The following MRPL27 variants were observed in gnomAD, a reference collection of about 807,000 sequenced individuals.
MRPL27 encodes mitochondrial ribosomal protein L27, also known as large ribosomal subunit protein bL27m.
MRPL27 carries 4 observed loss-of-function variants against 14.6 expected under a neutral mutation model. The ratio of observed to expected loss-of-function variants is 0.27; its 90% confidence interval spans 0.14 to 0.63. The LOEUF (loss-of-function observed/expected upper bound fraction) is 0.63, where lower values mean the gene tolerates loss of function less well. Ranked by LOEUF, MRPL27 falls within the 20% of genes least tolerant of loss-of-function variation. The pLI is 0.85. For missense variants in MRPL27, 196 were observed against 192.8 expected (o/e 1.02, Z -0.10); for synonymous variants, 82 against 75.5 (o/e 1.09, Z -0.45).
chr17:50,368,778 A>ACG, intron 3 of MRPL27: 2 of 691,244 alleles, frequency 2.9e-6, no homozygotes, highest in Non-Finnish European at 5.3e-6. Context: ...CAATCATACT[A>ACG]CTGCATTAGC....
chr17:50,369,862 T>C, intron 3 of MRPL27, 170 bp downstream of exon 3: 1 of 793,244 alleles, frequency 1.3e-6, no homozygotes. Flanking sequence ...CATTTCACCT[T>C]ACTTACAGGG....
At chr17:50,370,659 AT>A in intron 1 of MRPL27, 73 bp from the exon 2 acceptor site, 1 of 1,593,084 alleles carries the variant, frequency 6.3e-7, no homozygotes, top group Non-Finnish European at 8.6e-7. Flanking sequence ...CCACATGCTG[AT>A]ACGTGAGAGG....
Position 50,370,020 on chromosome 17 carries a change from G to A in MRPL27, c.240+12C>T, listed in dbSNP as rs777212431. On this transcript the variant is annotated intron_variant, in intron 3 of 3. Transcript: ENST00000225969. ...GAAAAGGAAAAAGGGGGGCAGCAAC[G>A]GAGCAACTCACATGGGCACCTGGGT... The A allele has an allele frequency of 1.1e-5, 17 of 1,613,848 alleles. No homozygotes were observed. Among genetic ancestry groups the A allele is most frequent in the East Asian group, 6.7e-5 (3 of 44,870 alleles).
rs780170489 is a variant in MRPL27, at chr17:50,370,529, T to C, written c.98A>G (p.Lys33Arg). Residue 33 changes from lysine (K) to arginine (R), a missense_variant, in exon 2 of 4, where the codon AAG (lysine) becomes AGG (arginine). Coordinates refer to ENST00000225969, the MANE Select transcript of MRPL27 (RefSeq NM_016504.3). Reference sequence around the variant, plus strand: ...GTTTTTGGAGCTACCACCCGACTTCTTGGATGCGTATCTGACAGCAAGAGC... The same window carrying C: ...GTTTTTGGAGCTACCACCCGACTTCCTGGATGCGTATCTGACAGCAAGAGC... ...ATALAVRYAS[K>R]KSGGSSKNLG... is the part of the protein sequence containing the mutation. 20 of 1,614,076 alleles carry C rather than the reference T, an allele frequency of 1.2e-5. No homozygotes were observed. In the East Asian group the frequency reaches 3.6e-4, roughly 29 times the overall value.
rs770437381 is a variant in MRPL27 at position 50,370,594 on chromosome 17, G to GA, written c.41-9dup. 1.9e-6 allele frequency: 3 copies of GA among 1,614,042 alleles called. No homozygotes were observed. The East Asian group carries it at 6.7e-5, about 36-fold the overall frequency. On this transcript the variant is annotated splice_polypyrimidine_tract_variant and intron_variant, in intron 1 of 3. Transcript: ENST00000225969. ...GGCTTAGCAAGGATGTAACTGCAGA[G>GA]AAAACAGAAACATTGTTCAGACAGA...
At chr17:50,369,746 C>G in intron 3 of MRPL27, 1 of 470,090 alleles carries the variant, frequency 2.1e-6, no homozygotes, top group South Asian at 2.9e-5. Flanking sequence ...ACCAAGAATA[C>G]CAGGCCAATG....
chr17:50,372,873 A>G, intron 1 of MRPL27: 1 of 570,062 alleles, frequency 1.8e-6, no homozygotes, highest in Non-Finnish European at 3.1e-6. Context: ...GGACCCACCC[A>G]AATCCCCAAC....
chr17:50,370,852 T>C (rs2143277802), intron 1 of MRPL27: 1 of 393,690 alleles, frequency 2.5e-6, no homozygotes, highest in South Asian at 2.4e-5. Flanking sequence ...TCAGTCTAAA[T>C]GTGCTGAGGA....
chr17:50,368,451 C>G (rs995472908), intron 3 of MRPL27, 153 bp from the exon 4 acceptor site: 1 of 720,510 alleles, frequency 1.4e-6, no homozygotes, highest in Non-Finnish European at 2.3e-6. Context: ...CTGGCTAGCA[C>G]GTCCAAACCT....
chr17:50,370,613 A>G (rs749178889), intron 1 of MRPL27, 27 bp from the exon 2 acceptor site: 2 of 1,613,410 alleles, frequency 1.2e-6, no homozygotes, highest in South Asian at 1.1e-5. Context: ...AACATTGTTC[A>G]GACAGACAGG....
At chr17:50,371,389 A>C (rs989102066) in intron 1 of MRPL27, among the ~76,000 whole-genome samples, 49 of 152,156 alleles carry the variant, frequency 3.2e-4, no homozygotes, top group African/African-American at 1.2e-3. Context: ...CTTTCTTCTC[A>C]AAGCACATCA....
At chr17:50,371,822 G>A (rs1362421681) in intron 1 of MRPL27, among the ~76,000 whole-genome samples, 2 of 152,190 alleles carry the variant, frequency 1.3e-5, no homozygotes, top group South Asian at 2.1e-4. Context: ...AAGCTCAGGA[G>A]CTGGGCTTTT....
At chr17:50,371,475 A>C (rs1913136931) in intron 1 of MRPL27, among the ~76,000 whole-genome samples, 1 of 152,238 alleles carries the variant, frequency 6.6e-6, no homozygotes, top group South Asian at 2.1e-4. Context: ...AGTGCTCAAT[A>C]GCATTCATTT....
intron 1 of MRPL27, among the ~76,000 whole-genome samples, chr17:50,372,370 T>A (rs1449885200): frequency 1.3e-5 from 2 of 152,082 alleles, no homozygotes; most frequent in African/African-American, 4.8e-5. Flanking sequence ...CTCAGCCTCC[T>A]GAGTATCTGA....
At chr17:50,368,344 G>A (rs202075092) in intron 3 of MRPL27, 46 bp from the exon 4 acceptor site, 4 of 1,587,998 alleles carry the variant, frequency 2.5e-6, no homozygotes, top group Admixed American at 1.8e-5. Flanking sequence ...TCAGCGAGGT[G>A]GTCCGTCCCA....
chr17:50,368,076 T>C lies in MRPL27; in HGVS notation c.*16A>G, dbSNP rs1419415906. 2.5e-6 allele frequency: 4 copies of C among 1,613,976 alleles called. No homozygotes were observed. The highest frequency in any genetic ancestry group is 1.7e-5 in the Admixed American group (1 of 60,024). On this transcript the variant is annotated 3_prime_UTR_variant, in exon 4 of 4. Coordinates refer to ENST00000225969, the MANE Select transcript of MRPL27 (RefSeq NM_016504.3). Reference sequence around the variant, plus strand: ...CACCTGGGCTCCAGTCTCTGTCCGATGGCCTCAACAGGACATCAAAGCATA... The same window carrying C: ...CACCTGGGCTCCAGTCTCTGTCCGACGGCCTCAACAGGACATCAAAGCATA...
Position 50,368,200 on chromosome 17 carries a change from A to T in MRPL27, c.339T>A (p.Ala113=). 1.2e-6 allele frequency: 2 copies of T among 1,614,208 alleles called. No homozygotes were observed. The highest frequency in any genetic ancestry group is 2.2e-5 in the South Asian group (2 of 91,084). Reference sequence around the variant, plus strand: ...TGGGCAGCCTGGTGATCAGATCCACAGCCTCCGTGTTTCTGGGATGAGGCA... The same window carrying T: ...TGGGCAGCCTGGTGATCAGATCCACTGCCTCCGTGTTTCTGGGATGAGGCA... The part of the protein sequence containing the change: ...VYVPHPRNTE[A]VDLITRLPKG... Residue 113 remains alanine, a synonymous_variant, in exon 4 of 4, where the codon GCT becomes GCA. Transcript: ENST00000225969.
At chr17:50,369,782 C>G (rs760343627) in intron 3 of MRPL27, 3 of 548,110 alleles carry the variant, frequency 5.5e-6, no homozygotes, top group African/African-American at 2.0e-5. Context: ...TCATAGTGAT[C>G]TGGGAGTTAG....
rs531607318 is a variant in MRPL27, at chr17:50,370,031, C to T, written c.240+1G>A. 1 of 1,613,982 alleles carries T rather than the reference C, an allele frequency of 6.2e-7. No individual in the cohort carries two copies. Among genetic ancestry groups the T allele is most frequent in the South Asian group, 1.1e-5 (1 of 91,044 alleles). On this transcript the variant is annotated splice_donor_variant, in intron 3 of 3. Transcript: ENST00000225969. LOFTEE classifies it high-confidence loss of function. Reference sequence around the variant, plus strand: ...AGGGGGGCAGCAACGGAGCAACTCACATGGGCACCTGGGTGCCAGCGGAAA... The same window carrying T: ...AGGGGGGCAGCAACGGAGCAACTCATATGGGCACCTGGGTGCCAGCGGAAA...
Sources: allele counts gnomAD v4.1 joint callset (sites outside exome capture counted in the v4.1 genomes callset), GRCh38; gene constraint gnomAD v4.1.1; transcripts MANE v1.5; gene names NCBI Gene and HGNC (gene_info 2026-07-23, HGNC 2026-07-21).